Variants in SLC35F1 observed in about 807,000 individuals in gnomAD.
The protein encoded by SLC35F1 is solute carrier family 35 member F1, also known as chromosome 6 open reading frame 169.
In SLC35F1, 14 loss-of-function variants were observed where a neutral mutation model predicts 48.7. That is an observed-to-expected ratio of 0.29 (90% CI 0.19 to 0.45). SLC35F1 has a LOEUF of 0.45. Among genes scored for constraint, SLC35F1 ranks in the 20% least tolerant of loss-of-function variants. The probability of loss-of-function intolerance (pLI) is 1.00; values close to 1 mark genes in which losing one functional copy is unlikely to be tolerated. For synonymous variants in SLC35F1, 190 were observed against 202.2 expected (o/e 0.94, Z 0.51); for missense variants, 404 against 500.0 (o/e 0.81, Z 1.83).
At chr6:118,128,297 C>G (rs1310400747) in intron 1 of SLC35F1, among the ~76,000 whole-genome samples, 1 of 146,522 alleles carries the variant, frequency 6.8e-6, no homozygotes, top group South Asian at 2.3e-4. Flanking sequence ...TTGACCCAGC[C>G]ATCCCATTAC....
intron 1 of SLC35F1, among the ~76,000 whole-genome samples, chr6:117,958,659 A>G (rs1440786620): frequency 6.6e-6 from 1 of 152,226 alleles, no homozygotes; most frequent in Non-Finnish European, 1.5e-5. Context: ...GCAGTAGGCC[A>G]TGCCACAGAG....
Position 118,100,782 on chromosome 6 carries a change from T to C in SLC35F1, c.174-53663T>C, listed in dbSNP as rs73514602. Among the ~76,000 whole-genome samples the C allele has an allele frequency of 3.6e-3, 553 of 152,300 alleles. 5 individuals carry two copies. Among genetic ancestry groups the C allele is most frequent in the African/African-American group, 0.013 (532 of 41,572 alleles). The stretch of plus-strand genomic sequence containing the variant: ...ATGAACTCACTCTCCAGCCCCACTC[T>C]ATTCCCTGATGGCAGGGCCTATATC... On this transcript the variant is annotated intron_variant, in intron 1 of 7. Transcript: ENST00000360388.
chr6:117,928,054 C>A (rs1468699858), intron 1 of SLC35F1, among the ~76,000 whole-genome samples: 2 of 152,164 alleles, frequency 1.3e-5, no homozygotes, highest in Admixed American at 1.3e-4. Flanking sequence ...ACTCCCATTT[C>A]ATCCAAAATA....
At chr6:118,313,967 C>A (rs1776400692) in intron 7 of SLC35F1, 61 bp from the exon 8 acceptor site, 3 of 1,492,554 alleles carry the variant, frequency 2.0e-6, no homozygotes, top group Middle Eastern at 1.7e-4. Context: ...CTGTGTGCCT[C>A]ATTAATGTGT....
chr6:118,130,414 T>C (rs572545837), intron 1 of SLC35F1, among the ~76,000 whole-genome samples: 3 of 152,254 alleles, frequency 2.0e-5, no homozygotes, highest in African/African-American at 4.8e-5. Context: ...AAGCTTGCAG[T>C]GAGCGGAGAT....
chr6:118,102,018 A>T (rs1773265161), intron 1 of SLC35F1, among the ~76,000 whole-genome samples: 2 of 152,172 alleles, frequency 1.3e-5, no homozygotes, highest in African/African-American at 4.8e-5. Flanking sequence ...TTGCCTTCTC[A>T]GTGGCAAGCT....
At chr6:118,136,798 T>C (rs562775857) in intron 1 of SLC35F1, among the ~76,000 whole-genome samples, 29 of 152,328 alleles carry the variant, frequency 1.9e-4, no homozygotes, top group African/African-American at 7.0e-4. Context: ...CTCTCACTAA[T>C]ATATCTCAGA....
chr6:117,974,623 C>A (rs1776683294), intron 1 of SLC35F1, among the ~76,000 whole-genome samples: 1 of 152,144 alleles, frequency 6.6e-6, no homozygotes, highest in Admixed American at 6.5e-5. Flanking sequence ...GACTCATTTA[C>A]ACTCTTTAAA....
intron 2 of SLC35F1, among the ~76,000 whole-genome samples, chr6:118,176,954 T>C (rs1175327916): frequency 6.6e-6 from 1 of 152,100 alleles, no homozygotes; most frequent in East Asian, 1.9e-4. Flanking sequence ...TCTTACATCC[T>C]CCTACATCCT....
At chr6:118,093,661 G>A (rs4412242) in intron 1 of SLC35F1, among the ~76,000 whole-genome samples, 2 of 152,166 alleles carry the variant, frequency 1.3e-5, no homozygotes. Context: ...GTCCATTAAA[G>A]CCCTTTTTCT....
At chr6:118,043,075 A>C (rs1285446818) in intron 1 of SLC35F1, among the ~76,000 whole-genome samples, 1 of 152,208 alleles carries the variant, frequency 6.6e-6, no homozygotes, top group Non-Finnish European at 1.5e-5. Flanking sequence ...TTCTATTTAT[A>C]AAGATGACTT....
rs181698390 is a variant in SLC35F1 at position 118,135,368 on chromosome 6, A to G, written c.174-19077A>G. Among the ~76,000 whole-genome samples the G allele has an allele frequency of 2.0e-5, 3 of 152,358 alleles. No homozygotes were observed. The East Asian group carries it at 5.8e-4, about 29-fold the overall frequency. ...CTAAAATACCATTCAAGAACCTTCC[A>G]TGCTACTTGGATTCTATATTATGTT... On this transcript the variant is annotated intron_variant, in intron 1 of 7. Coordinates refer to ENST00000360388, the MANE Select transcript of SLC35F1 (RefSeq NM_001029858.4).
chr6:117,958,398 A>T (rs895873303), intron 1 of SLC35F1, among the ~76,000 whole-genome samples: 4 of 152,216 alleles, frequency 2.6e-5, no homozygotes, highest in Non-Finnish European at 5.9e-5. Context: ...ACAGCGGTGC[A>T]TAATGATATC....
At chr6:118,080,715 T>TG (rs1186027692) in intron 1 of SLC35F1, among the ~76,000 whole-genome samples, 2 of 152,168 alleles carry the variant, frequency 1.3e-5, no homozygotes, top group African/African-American at 4.8e-5. Flanking sequence ...GGGAAGATAG[T>TG]GGGAGTCCTT....
chr6:118,097,349 G>C (rs1241170011), intron 1 of SLC35F1, among the ~76,000 whole-genome samples: 1 of 152,216 alleles, frequency 6.6e-6, no homozygotes, highest in East Asian at 1.9e-4. Context: ...TGCTTCCAAA[G>C]GGAGAAGGGG....
At chr6:118,253,159 A>C (rs1257484455) in intron 3 of SLC35F1, among the ~76,000 whole-genome samples, 1 of 152,148 alleles carries the variant, frequency 6.6e-6, no homozygotes, top group African/African-American at 2.4e-5. Context: ...AACAGTGAGA[A>C]GAGACATTAT....
chr6:118,238,154 C>G (rs1165924874), intron 3 of SLC35F1, among the ~76,000 whole-genome samples: 1 of 152,152 alleles, frequency 6.6e-6, no homozygotes, highest in Non-Finnish European at 1.5e-5. Context: ...TAATACCCTG[C>G]TCAAGGTGTT....
intron 1 of SLC35F1, among the ~76,000 whole-genome samples, chr6:117,976,934 T>G (rs1252512398): frequency 6.6e-6 from 1 of 152,220 alleles, no homozygotes; most frequent in Non-Finnish European, 1.5e-5. Flanking sequence ...TTGAAAATCT[T>G]AATATTATAT....
Position 118,315,960 on chromosome 6 carries a change from A to T in SLC35F1, c.*1708A>T, listed in dbSNP as rs1776432214. 1 of 152,194 alleles carries T rather than the reference A, an allele frequency of 6.6e-6. No individual in the cohort carries two copies. Among genetic ancestry groups the T allele is most frequent in the South Asian group, 2.1e-4 (1 of 4,832 alleles). The allele number at this position is 152,194 out of a possible 1,614,324, so 9.4% of individuals were successfully genotyped here. A position where few individuals can be genotyped will look rare whatever the true frequency, so the allele number is the denominator to read the frequency against. Reference sequence around the variant, plus strand: ...TTCAATACCATTCAAAAAGATCCTCAATGGAGTTACAGGGTTTATAGGGGA... The same window carrying T: ...TTCAATACCATTCAAAAAGATCCTCTATGGAGTTACAGGGTTTATAGGGGA... On this transcript the variant is annotated 3_prime_UTR_variant, in exon 8 of 8. Coordinates refer to ENST00000360388, the MANE Select transcript of SLC35F1 (RefSeq NM_001029858.4).
Sources: gnomAD v4.1 joint callset for allele counts (sites outside exome capture counted in the v4.1 genomes callset) on GRCh38, gnomAD v4.1.1 for gene constraint, MANE v1.5 for transcripts, NCBI Gene and HGNC (gene_info 2026-07-23, HGNC 2026-07-21) for gene names.